Variants in CNTLN observed in about 807,000 individuals in gnomAD.
CNTLN encodes centlein, also known as centlein, centrosomal protein.
In CNTLN, 212 loss-of-function variants were observed where a neutral mutation model predicts 180.0. The observed-to-expected ratio is 1.18, with a 90% CI of 1.05 to 1.32. The LOEUF (loss-of-function observed/expected upper bound fraction) is 1.32. CNTLN is among the 40% of genes most tolerant of loss of function. CNTLN has a pLI of 0.00. For synonymous variants in CNTLN, 722 were observed against 563.1 expected (o/e 1.28, Z -3.99); for missense variants, 2,095 against 1,610.9 (o/e 1.30, Z -5.14).
At chr9:17,185,733 G>T (rs557371416) in intron 2 of CNTLN, among the ~76,000 whole-genome samples, 2 of 150,338 alleles carry the variant, frequency 1.3e-5, no homozygotes, top group African/African-American at 4.9e-5. Flanking sequence ...TGTTAGAAAG[G>T]CTTTTCTCTC....
intron 8 of CNTLN, among the ~76,000 whole-genome samples, chr9:17,321,249 T>A (rs1301606556): frequency 6.6e-6 from 1 of 152,222 alleles, no homozygotes; most frequent in African/African-American, 2.4e-5. Context: ...TTTCTAGACC[T>A]TGTAGATTCA....
chr9:17,271,309 G>A (rs562263526), intron 5 of CNTLN, among the ~76,000 whole-genome samples: 26 of 152,032 alleles, frequency 1.7e-4, no homozygotes, highest in Admixed American at 8.5e-4. Context: ...CCAGATTTGC[G>A]GTTCACTGAC....
intron 5 of CNTLN, among the ~76,000 whole-genome samples, chr9:17,267,630 G>A (rs1380559698): frequency 6.6e-6 from 1 of 152,086 alleles, no homozygotes; most frequent in Non-Finnish European, 1.5e-5. Flanking sequence ...ATCCTGCAGA[G>A]TGTTTTCCAA....
intron 5 of CNTLN, among the ~76,000 whole-genome samples, chr9:17,267,119 G>A (rs1464014769): frequency 1.3e-5 from 2 of 152,110 alleles, no homozygotes; most frequent in Non-Finnish European, 2.9e-5. Context: ...AGTTGATGCA[G>A]TTTCTTCCTA....
chr9:17,353,761 T>TGACA (rs1466858154), intron 12 of CNTLN, among the ~76,000 whole-genome samples: 2 of 151,660 alleles, frequency 1.3e-5, no homozygotes, highest in Non-Finnish European at 2.9e-5. Context: ...CACTGAGAGG[T>TGACA]GACAGCGTGC....
At chr9:17,441,190 C>A (rs1173526715) in intron 18 of CNTLN, among the ~76,000 whole-genome samples, 1 of 152,112 alleles carries the variant, frequency 6.6e-6, no homozygotes, top group African/African-American at 2.4e-5. Context: ...CACCACTAGA[C>A]CTTTCTTAGA....
chr9:17,304,926 G>C lies in CNTLN; in HGVS notation c.1147-4132G>C, dbSNP rs1331414867. Reference sequence around the variant, plus strand: ...ATTTGCAGATTTTTTTTATTCACTTGGGTCCTGGAAACAATATTGTGGATA... The same window carrying C: ...ATTTGCAGATTTTTTTTATTCACTTCGGTCCTGGAAACAATATTGTGGATA... On this transcript the variant is annotated intron_variant, in intron 7 of 25. Coordinates refer to ENST00000380647, the MANE Select transcript of CNTLN (RefSeq NM_017738.4). Among the ~76,000 whole-genome samples, 5 of 151,960 alleles carry C rather than the reference G, an allele frequency of 3.3e-5. No individual in the cohort carries two copies. In the East Asian group the frequency reaches 7.7e-4, roughly 24 times the overall value.
intron 2 of CNTLN, among the ~76,000 whole-genome samples, chr9:17,215,123 G>A (rs1388005673): frequency 6.6e-6 from 1 of 152,210 alleles, no homozygotes; most frequent in Non-Finnish European, 1.5e-5. Context: ...GAGGAGGAGA[G>A]GAGCTCTGAT....
At chr9:17,429,468 T>C (rs1457156443) in intron 18 of CNTLN, among the ~76,000 whole-genome samples, 4 of 152,110 alleles carry the variant, frequency 2.6e-5, no homozygotes, top group Non-Finnish European at 4.4e-5. Context: ...CTGGAATATA[T>C]AAATAAAGTA....
chr9:17,516,042 C>G, the CNTLN span, among the ~76,000 whole-genome samples: 1 of 152,204 alleles, frequency 6.6e-6, no homozygotes, highest in East Asian at 1.9e-4. Context: ...TCAAACTGTG[C>G]CCAACTCAGT....
chr9:17,220,985 A>G, intron 2 of CNTLN, among the ~76,000 whole-genome samples: 1 of 152,148 alleles, frequency 6.6e-6, no homozygotes, highest in East Asian at 1.9e-4. Flanking sequence ...TGGACAGTTA[A>G]AAATAGATTC....
At chr9:17,477,004 G>A (rs909848447) in intron 23 of CNTLN, among the ~76,000 whole-genome samples, 2 of 152,162 alleles carry the variant, frequency 1.3e-5, no homozygotes, top group South Asian at 2.1e-4. Context: ...TAATGCAGCT[G>A]GGGACTTTAA....
chr9:17,151,273 G>T (rs1159346012), intron 2 of CNTLN, among the ~76,000 whole-genome samples: 1 of 152,110 alleles, frequency 6.6e-6, no homozygotes, highest in Non-Finnish European at 1.5e-5. Context: ...GTATGGTATT[G>T]GCTATGGATT....
intron 6 of CNTLN, among the ~76,000 whole-genome samples, chr9:17,295,941 A>T (rs1361330223): frequency 1.3e-5 from 2 of 151,252 alleles, no homozygotes; most frequent in Non-Finnish European, 2.9e-5. Context: ...AAGAGTAATA[A>T]TAGTATGAGC....
intron 14 of CNTLN, among the ~76,000 whole-genome samples, chr9:17,391,065 AAAAC>A (rs561922387): frequency 2.9e-4 from 44 of 152,318 alleles, no homozygotes; most frequent in South Asian, 2.1e-3. Flanking sequence ...GGACGCTTCA[AAAAC>A]AAAGACCCAG....
intron 23 of CNTLN, among the ~76,000 whole-genome samples, chr9:17,474,681 C>T (rs1832234574): frequency 6.6e-6 from 1 of 151,984 alleles, no homozygotes; most frequent in Non-Finnish European, 1.5e-5. Flanking sequence ...CCAGCCTGGC[C>T]AACATGGTGA....
At chr9:17,519,245 T>TTTG in the CNTLN span, among the ~76,000 whole-genome samples, 1 of 12,632 alleles carries the variant, frequency 7.9e-5, no homozygotes. Context: ...GATTTGAGTG[T>TTTG]TTTTTTTTTT....
At chr9:17,402,779 TTCCACC>T (rs1827082091) in intron 15 of CNTLN, among the ~76,000 whole-genome samples, 1 of 151,926 alleles carries the variant, frequency 6.6e-6, no homozygotes, top group East Asian at 1.9e-4. Context: ...TTTCCTGGGT[TTCCACC>T]TGCTGGCAAT....
At chr9:17,497,628 A>G (rs192892065) in intron 25 of CNTLN, among the ~76,000 whole-genome samples, 2 of 152,332 alleles carry the variant, frequency 1.3e-5, no homozygotes, top group Non-Finnish European at 2.9e-5. Flanking sequence ...ATAGCCTTCA[A>G]CAGAGTTTGA....
Sources: allele counts gnomAD v4.1 joint callset (sites outside exome capture counted in the v4.1 genomes callset), GRCh38; gene constraint gnomAD v4.1.1; transcripts MANE v1.5; gene names NCBI Gene and HGNC (gene_info 2026-07-23, HGNC 2026-07-21).